Variants in ARHGAP42 observed in about 807,000 individuals in gnomAD.
ARHGAP42 encodes rho GTPase-activating protein 42.
Under a neutral mutation model 125.0 loss-of-function variants are expected in ARHGAP42, and 63 were observed. The observed-to-expected ratio is 0.50, with a 90% confidence interval of 0.41 to 0.62. ARHGAP42 has a LOEUF of 0.62. Ranked by LOEUF, ARHGAP42 falls within the 20% of genes least tolerant of loss-of-function variation. The pLI, the probability that ARHGAP42 is intolerant of heterozygous loss-of-function variation, is 0.00. For missense variants in ARHGAP42, 766 were observed against 1,024.2 expected (o/e 0.75, Z 3.44); for synonymous variants, 339 against 351.0 (o/e 0.97, Z 0.38).
intron 4 of ARHGAP42, among the ~76,000 whole-genome samples, chr11:100,903,115 G>GTGCACACACA (rs1555021054): frequency 1.5e-4 from 2 of 13,704 alleles, no homozygotes; most frequent in Non-Finnish European, 3.4e-4. Flanking sequence ...TGTCCAAGAT[G>GTGCACACACA]CGCACACACA....
At chr11:100,984,115 TAAA>T (rs61246568) in intron 22 of ARHGAP42, among the ~76,000 whole-genome samples, 4 of 123,790 alleles carry the variant, frequency 3.2e-5, no homozygotes, top group African/African-American at 3.0e-5. Flanking sequence ...AGACCCTGTC[TAAA>T]AAAAAAAAAA....
chr11:100,849,062 G>A (rs1865140043), intron 3 of ARHGAP42, among the ~76,000 whole-genome samples: 1 of 152,166 alleles, frequency 6.6e-6, no homozygotes, highest in Non-Finnish European at 1.5e-5. Flanking sequence ...AGTAATTCAA[G>A]CCATGGCCTA....
chr11:100,721,917 G>T (rs1861765091), intron 1 of ARHGAP42, among the ~76,000 whole-genome samples: 2 of 152,228 alleles, frequency 1.3e-5, no homozygotes, highest in Admixed American at 6.5e-5. Context: ...TTTGTGAGCA[G>T]ATTTTGTTTG....
At chr11:100,867,295 G>T (rs771743598) in intron 4 of ARHGAP42, among the ~76,000 whole-genome samples, 1 of 152,212 alleles carries the variant, frequency 6.6e-6, no homozygotes, top group African/African-American at 2.4e-5. Context: ...GTCCTGGATG[G>T]CATCTTCTTC....
At chr11:100,767,799 A>G (rs1862865545) in intron 1 of ARHGAP42, among the ~76,000 whole-genome samples, 1 of 152,174 alleles carries the variant, frequency 6.6e-6, no homozygotes. Context: ...ATTTTACACT[A>G]CATATACAAA....
In ARHGAP42 at chr11:100,903,736, A is replaced by G. The variant is rs867283201; in HGVS notation, c.385-9716A>G. Among the ~76,000 whole-genome samples the G allele has an allele frequency of 1.5e-4, 16 of 106,654 alleles. 1 individual carries two copies. The highest frequency in any genetic ancestry group is 5.4e-4 in the African/African-American group (16 of 29,806). 70.0% of individuals were successfully genotyped at this position (106,654 alleles called of 152,430 possible). A position where few individuals can be genotyped will look rare whatever the true frequency, so the allele number is the denominator to read the frequency against. On this transcript the variant is annotated intron_variant, in intron 4 of 23. Coordinates refer to ENST00000298815, the MANE Select transcript of ARHGAP42 (RefSeq NM_152432.4). ...TATATATATATATATATATATATATATATATATATATATATATATGTATGT... is the reference window on the plus strand; with the variant it reads ...TATATATATATATATATATATATATGTATATATATATATATATATGTATGT...
rs557114757 is a variant in ARHGAP42 at position 100,950,557 on chromosome 11, G to A, written c.1162+601G>A. ...ATATGTTGGAAAAGATGTTTTTACT[G>A]TATTATTAGTAAATCATTAGTTTGT... On this transcript the variant is annotated intron_variant, in intron 12 of 23. Coordinates refer to ENST00000298815, the MANE Select transcript of ARHGAP42 (RefSeq NM_152432.4). Among the ~76,000 whole-genome samples the A allele has an allele frequency of 3.4e-3, 515 of 151,546 alleles. 3 individuals are homozygous for A. Among genetic ancestry groups the A allele is most frequent in the Middle Eastern group, 0.01 (3 of 290 alleles).
intron 22 of ARHGAP42, among the ~76,000 whole-genome samples, chr11:100,984,188 G>A (rs563588822): frequency 6.6e-6 from 1 of 151,160 alleles, no homozygotes; most frequent in East Asian, 1.9e-4. Flanking sequence ...AGTGCTTATT[G>A]GTAAACTGTC....
intron 1 of ARHGAP42, among the ~76,000 whole-genome samples, chr11:100,695,661 C>G (rs1447668624): frequency 6.6e-6 from 1 of 152,114 alleles, no homozygotes; most frequent in African/African-American, 2.4e-5. Flanking sequence ...TTCTTTTTAT[C>G]TGCAGTATTC....
chr11:100,842,575 T>G (rs921597706), intron 3 of ARHGAP42, among the ~76,000 whole-genome samples: 1 of 152,072 alleles, frequency 6.6e-6, no homozygotes, highest in Non-Finnish European at 1.5e-5. Context: ...AAAGTCTTCA[T>G]GAAAGAAGGC....
At chr11:100,882,493 G>T (rs1865985261) in intron 4 of ARHGAP42, among the ~76,000 whole-genome samples, 1 of 151,524 alleles carries the variant, frequency 6.6e-6, no homozygotes, top group African/African-American at 2.4e-5. Context: ...GATTCGGTTA[G>T]CCAGTATTTT....
intron 4 of ARHGAP42, among the ~76,000 whole-genome samples, chr11:100,885,483 T>G (rs1866068107): frequency 6.6e-6 from 1 of 152,210 alleles, no homozygotes; most frequent in Non-Finnish European, 1.5e-5. Context: ...TCCCATTTTT[T>G]TCCACTGGGG....
chr11:100,871,618 A>G (rs1029168939), intron 4 of ARHGAP42, among the ~76,000 whole-genome samples: 3 of 152,138 alleles, frequency 2.0e-5, no homozygotes, highest in Admixed American at 1.3e-4. Flanking sequence ...TTTTTGTTAC[A>G]TCAGAAATAC....
At chr11:100,811,347 T>C (rs1864137371) in intron 3 of ARHGAP42, among the ~76,000 whole-genome samples, 1 of 152,216 alleles carries the variant, frequency 6.6e-6, no homozygotes, top group African/African-American at 2.4e-5. Context: ...ATTGTTGCTT[T>C]GTAGGATGCT....
At chr11:100,978,897 G>A (rs899342194) in intron 21 of ARHGAP42, 90 bp from the exon 22 acceptor site, 18 of 1,329,116 alleles carry the variant, frequency 1.4e-5, no homozygotes, top group South Asian at 5.2e-5. Flanking sequence ...ACCATTTTTT[G>A]TCTTGTTTAA....
intron 3 of ARHGAP42, among the ~76,000 whole-genome samples, chr11:100,855,443 CT>C (rs1320672185): frequency 6.6e-6 from 1 of 151,802 alleles, no homozygotes; most frequent in African/African-American, 2.4e-5. Flanking sequence ...TCCATTGCTA[CT>C]TTTTTTAATG....
chr11:100,903,709 A>AATATATATATATATATAT (rs139506492), intron 4 of ARHGAP42, among the ~76,000 whole-genome samples: 17 of 63,486 alleles, frequency 2.7e-4, no homozygotes, highest in Non-Finnish European at 4.1e-4. Context: ...TGTCCCTCAA[A>AATATATATATATATATAT]ATATATATAT....
chr11:100,921,391 A>G (rs1420330965), intron 5 of ARHGAP42, 103 bp from the exon 6 acceptor site: 7 of 864,700 alleles, frequency 8.1e-6, no homozygotes, highest in Non-Finnish European at 1.3e-5. Context: ...GTGCTGTGTT[A>G]AACTTTTTGT....
chr11:100,860,552 C>T (rs148517303), intron 4 of ARHGAP42, among the ~76,000 whole-genome samples: 2,127 of 152,110 alleles, frequency 0.014, 48 homozygotes, highest in African/African-American at 0.047. Context: ...TCTGTTCACC[C>T]GGCTCTGTAT....
Sources: allele counts gnomAD v4.1 joint callset (sites outside exome capture counted in the v4.1 genomes callset), GRCh38; gene constraint gnomAD v4.1.1; transcripts MANE v1.5; gene names NCBI Gene and HGNC (gene_info 2026-07-23, HGNC 2026-07-21).